ATP7A: variants seen among roughly 807,000 people sequenced by gnomAD.
The protein encoded by ATP7A is ATPase copper transporting alpha, also known as copper-transporting ATPase 1.
Under a neutral mutation model 83.5 loss-of-function variants are expected in ATP7A, and 7 were observed. The observed-to-expected ratio is 0.08, with a 90% confidence interval of 0.05 to 0.16. ATP7A has a LOEUF of 0.16. Among genes scored for constraint, ATP7A ranks in the 10% least tolerant of loss-of-function variants. The pLI, the probability that ATP7A is intolerant of heterozygous loss-of-function variation, is 1.00. For synonymous variants in ATP7A, 354 were observed against 395.2 expected, an observed-to-expected ratio of 0.90 and a Z score of 1.24; for missense variants, 940 against 1,120.8, an observed-to-expected ratio of 0.84 and a Z score of 2.30.
At chrX:77,956,747 C>CTTTCTTTCTT (rs1339259099) in intron 1 of ATP7A, among the ~76,000 whole-genome samples, 20 of 96,606 alleles carry the variant, frequency 2.1e-4, no homozygotes, top group African/African-American at 2.6e-4. Flanking sequence ...TTCTTTCTTT[C>CTTTCTTTCTT]TTTCTTTCTT....
chrX:77,936,216 G>A (rs1198728739), intron 1 of ATP7A, among the ~76,000 whole-genome samples: 5 of 111,742 alleles, frequency 4.5e-5, no homozygotes, highest in Non-Finnish European at 9.4e-5. Flanking sequence ...GTGCCTTTTG[G>A]CCAGCCATCT....
chrX:77,948,212 C>A (rs2077394188), intron 1 of ATP7A, among the ~76,000 whole-genome samples: 1 of 108,972 alleles, frequency 9.2e-6, no homozygotes, highest in Non-Finnish European at 1.9e-5. Flanking sequence ...CTGCAAGCTC[C>A]ACCTCCCAGG....
intron 1 of ATP7A, among the ~76,000 whole-genome samples, chrX:77,928,538 A>G (rs1374426660): frequency 2.7e-5 from 3 of 110,766 alleles, no homozygotes; most frequent in Non-Finnish European, 5.7e-5. Flanking sequence ...TCCTTTCCAG[A>G]GCTGAGAATG....
intron 12 of ATP7A, among the ~76,000 whole-genome samples, chrX:78,016,729 G>T (rs983996286): frequency 5.3e-5 from 6 of 112,335 alleles, no homozygotes; most frequent in African/African-American, 1.9e-4. Flanking sequence ...GCTCCAAAAT[G>T]ATTTCCTTTG....
At chrX:78,030,252 C>T (rs1378617551) in intron 15 of ATP7A, among the ~76,000 whole-genome samples, 3 of 111,217 alleles carry the variant, frequency 2.7e-5, no homozygotes, top group African/African-American at 9.8e-5. Context: ...GGTGAAACCC[C>T]GTCTCTACTA....
intron 1 of ATP7A, among the ~76,000 whole-genome samples, chrX:77,919,024 T>A (rs2077198130): frequency 8.9e-6 from 1 of 111,791 alleles, no homozygotes; most frequent in Non-Finnish European, 1.9e-5. Context: ...AGTATACTCA[T>A]CAAGAAAATG....
chrX:77,956,724 C>CTCCT (rs1336623214), intron 1 of ATP7A, among the ~76,000 whole-genome samples: 24 of 72,049 alleles, frequency 3.3e-4, no homozygotes, highest in African/African-American at 8.2e-4. Context: ...ATTACCCAGT[C>CTCCT]TCCTTTCTTT....
At chrX:78,040,283 G>T (rs782063528) in intron 18 of ATP7A, among the ~76,000 whole-genome samples, 11 of 106,721 alleles carry the variant, frequency 1.0e-4, no homozygotes, top group Middle Eastern at 4.9e-3. Flanking sequence ...GTTTGAGGCT[G>T]TTGGCAAATA....
chrX:78,040,307 C>T (rs912237182), intron 18 of ATP7A, among the ~76,000 whole-genome samples: 3 of 107,959 alleles, frequency 2.8e-5, no homozygotes, highest in Admixed American at 1.0e-4. Flanking sequence ...TTCTGAGGAA[C>T]AAAAAGGGTC....
chrX:77,963,065 A>G (rs2077482700), intron 1 of ATP7A: 1 of 203,949 alleles, frequency 4.9e-6, no homozygotes, highest in Non-Finnish European at 9.2e-6. Context: ...TACTGATTCT[A>G]TTTTTGATGT....
chrX:78,039,240 T>C (rs1054866096), intron 18 of ATP7A, among the ~76,000 whole-genome samples: 5 of 112,258 alleles, frequency 4.5e-5, no homozygotes, highest in Non-Finnish European at 9.4e-5. Context: ...ATAGCAACAG[T>C]AAAATAATAG....
chrX:78,028,954 A>G (rs1300405297), intron 14 of ATP7A, among the ~76,000 whole-genome samples: 1 of 112,313 alleles, frequency 8.9e-6, no homozygotes, highest in Non-Finnish European at 1.9e-5. Context: ...TTTGAAAATT[A>G]TGTCTCACAT....
chrX:78,034,975 C>T (rs782069225), intron 17 of ATP7A, among the ~76,000 whole-genome samples: 16 of 110,635 alleles, frequency 1.4e-4, no homozygotes, highest in Non-Finnish European at 3.0e-4. Context: ...AACTCCTGAC[C>T]TCAAGTGATC....
intron 17 of ATP7A, 102 bp from the exon 18 acceptor site, chrX:78,038,734 C>A: frequency 2.2e-6 from 2 of 928,771 alleles, no homozygotes; most frequent in Non-Finnish European, 3.1e-6. Flanking sequence ...AGGAGCAATA[C>A]AATGTAGTGA....
rs1474508795 is a variant in ATP7A, at chrX:77,971,857, C to T, written c.120+96C>T. 1.1e-5 allele frequency: 11 copies of T among 1,008,974 alleles called. No homozygotes were observed. The African/African-American group carries it at 1.7e-4, about 16-fold the overall frequency. 83.2% of individuals were successfully genotyped at this position (1,008,974 alleles called of 1,213,427 possible). A position where few individuals can be genotyped will look rare whatever the true frequency, so the allele number is the denominator to read the frequency against. ...TGAGATAGAAGCAGACACACTGACACATTTGGCAATAAAAACTATTGTACT... is the reference window on the plus strand; with the variant it reads ...TGAGATAGAAGCAGACACACTGACATATTTGGCAATAAAAACTATTGTACT... On this transcript the variant is annotated intron_variant, in intron 2 of 22. Coordinates refer to ENST00000341514, the MANE Select transcript of ATP7A (RefSeq NM_000052.7).
intron 1 of ATP7A, among the ~76,000 whole-genome samples, chrX:77,966,374 CA>C (rs1406346435): frequency 9.0e-6 from 1 of 111,564 alleles, no homozygotes; most frequent in East Asian, 2.8e-4. Flanking sequence ...AGATATGACA[CA>C]AAAAACACAA....
chrX:77,914,201 C>G (rs1354371506), intron 1 of ATP7A, among the ~76,000 whole-genome samples: 1 of 111,203 alleles, frequency 9.0e-6, no homozygotes, highest in Non-Finnish European at 1.9e-5. Context: ...GAACCACAGG[C>G]GCATGCCACC....
chrX:77,932,472 G>A (rs1336272719), intron 1 of ATP7A, among the ~76,000 whole-genome samples: 3 of 112,549 alleles, frequency 2.7e-5, no homozygotes, highest in African/African-American at 6.5e-5. Flanking sequence ...GGGCGGCCGG[G>A]CAGAGACACT....
chrX:77,988,706 A>G lies in ATP7A; in HGVS notation c.585A>G (p.Lys195=). The change falls in exon 3 of 23, where the codon AAA becomes AAG. Residue 195 remains lysine (K), a synonymous_variant. Coordinates refer to ENST00000341514, the MANE Select transcript of ATP7A (RefSeq NM_000052.7). The stretch of plus-strand genomic sequence containing the variant: ...GCACTATTGAAGGAAAAATTGGGAA[A>G]CTGCAAGGTGTTCAGCGAATTAAAG... The part of the protein sequence containing the change: ...CTSTIEGKIG[K]LQGVQRIKVS... The G allele has an allele frequency of 1.7e-6, 2 of 1,210,795 alleles. No homozygotes were observed. Among genetic ancestry groups the G allele is most frequent in the Non-Finnish European group, 2.2e-6 (2 of 895,075 alleles).
Sources: gnomAD v4.1 joint callset for allele counts (sites outside exome capture counted in the v4.1 genomes callset) on GRCh38, gnomAD v4.1.1 for gene constraint, MANE v1.5 for transcripts, NCBI Gene and HGNC (gene_info 2026-07-23, HGNC 2026-07-21) for gene names.